Variants in ZYG11A observed in about 807,000 individuals in gnomAD.
ZYG11A encodes zyg-11 family member A, cell cycle regulator.
In ZYG11A, 62 loss-of-function variants were observed where a neutral mutation model predicts 77.2. That is an observed-to-expected ratio of 0.80 (90% confidence interval 0.65 to 0.99). The LOEUF (loss-of-function observed/expected upper bound fraction) is 0.99. Ranked by LOEUF, ZYG11A falls within the 50% of genes least tolerant of loss-of-function variation. The pLI is 0.00. For synonymous variants in ZYG11A, 315 were observed against 324.6 expected (o/e 0.97, Z 0.32); for missense variants, 828 against 896.8 (o/e 0.92, Z 0.98).
rs1432997646 is a variant in ZYG11A, at chr1:52,846,308, TTTTATATATATA to T, written c.90+3337_90+3348del. Among the ~76,000 whole-genome samples the T allele has an allele frequency of 1.2e-3, 148 of 124,894 alleles. 4 individuals carry two copies. Among genetic ancestry groups the T allele is most frequent in the African/African-American group, 3.8e-3 (136 of 35,584 alleles). The allele number at this position is 124,894 out of a possible 152,430, so 81.9% of individuals were successfully genotyped here. On this transcript the variant is annotated intron_variant, in intron 1 of 13. Coordinates refer to ENST00000371528, the MANE Select transcript of ZYG11A (RefSeq NM_001004339.3). Reference sequence around the variant, plus strand: ...TTTTGGAAATCATGGCTTTTTAAATTTTTATATATATATATATATATATATATATATATATAT... The same window carrying T: ...TTTTGGAAATCATGGCTTTTTAAATTTATATATATATATATATATATATAT...
intron 1 of ZYG11A, among the ~76,000 whole-genome samples, chr1:52,844,430 CAA>C (rs1319620859): frequency 6.6e-6 from 1 of 152,110 alleles, no homozygotes; most frequent in Non-Finnish European, 1.5e-5. Context: ...GGAATCGAAA[CAA>C]GATTTCTTTA....
chr1:52,873,875 T>C (rs1341658456), intron 8 of ZYG11A, among the ~76,000 whole-genome samples: 1 of 151,694 alleles, frequency 6.6e-6, no homozygotes, highest in East Asian at 1.9e-4. Flanking sequence ...TCCCAGCTAC[T>C]CGGGAGGCTG....
chr1:52,887,568 C>T (rs1389427212), intron 13 of ZYG11A, among the ~76,000 whole-genome samples: 1 of 151,998 alleles, frequency 6.6e-6, no homozygotes. Flanking sequence ...AATATTTCTG[C>T]ATGTTTTGCA....
At position 52,881,527 on chromosome 1, in the gene ZYG11A, G is replaced by A; in HGVS notation, c.1806G>A (p.Leu602=). The change falls in exon 11 of 14, where the codon CTG becomes CTA. Residue 602 remains leucine, a synonymous_variant. Coordinates refer to ENST00000371528, the MANE Select transcript of ZYG11A (RefSeq NM_001004339.3). ...CCAAGCTGGTGACCGAAGATGTGCT[G>A]AAGCATATCAACAGTTTACTCTGTA... is the stretch of plus-strand genomic sequence containing the variant. ...LSSKLVTEDV[L]KHINSLLCSR... The A allele has an allele frequency of 2.6e-6, 4 of 1,551,844 alleles. No individual in the cohort carries two copies. The highest frequency in any genetic ancestry group is 3.5e-6 in the Non-Finnish European group (4 of 1,146,982).
At chr1:52,853,787 A>AC (rs1645758047) in intron 1 of ZYG11A, among the ~76,000 whole-genome samples, 1 of 152,166 alleles carries the variant, frequency 6.6e-6, no homozygotes, top group Admixed American at 6.6e-5. Flanking sequence ...ATGGGCTTGT[A>AC]GTCCCAGTTA....
At chr1:52,845,634 AAT>A (rs1645555593) in intron 1 of ZYG11A, among the ~76,000 whole-genome samples, 4 of 105,998 alleles carry the variant, frequency 3.8e-5, no homozygotes, top group Non-Finnish European at 9.0e-5. Context: ...TTTATTTTTG[AAT>A]TTTTTTTTTT....
intron 5 of ZYG11A, among the ~76,000 whole-genome samples, chr1:52,865,716 C>T (rs928950494): frequency 3.3e-5 from 5 of 152,030 alleles, no homozygotes; most frequent in African/African-American, 1.2e-4. Context: ...CTCAAAAGAG[C>T]AGAAGTACAT....
intron 1 of ZYG11A, among the ~76,000 whole-genome samples, chr1:52,844,251 C>G (rs1051537491): frequency 1.3e-5 from 2 of 152,210 alleles, no homozygotes; most frequent in Admixed American, 6.5e-5. Flanking sequence ...TAAGGTTGTG[C>G]TTTACATATT....
intron 8 of ZYG11A, among the ~76,000 whole-genome samples, chr1:52,874,828 C>G (rs1453403471): frequency 6.6e-6 from 1 of 152,146 alleles, no homozygotes; most frequent in Non-Finnish European, 1.5e-5. Flanking sequence ...GATCATGCCA[C>G]TGCACTCCAG....
At chr1:52,867,877 G>T (rs1452821006) in intron 8 of ZYG11A, 100 bp downstream of exon 8, 5 of 982,050 alleles carry the variant, frequency 5.1e-6, no homozygotes, top group East Asian at 5.4e-5. Context: ...GCCTATTAAG[G>T]TGAGAAATCT....
chr1:52,848,034 TA>T (rs1283825990), intron 1 of ZYG11A, among the ~76,000 whole-genome samples: 1 of 152,134 alleles, frequency 6.6e-6, no homozygotes, highest in African/African-American at 2.4e-5. Context: ...CATGCCTGGC[TA>T]ATTTTTTGTA....
At chr1:52,858,691 C>T (rs988771469) in intron 3 of ZYG11A, among the ~76,000 whole-genome samples, 5 of 149,714 alleles carry the variant, frequency 3.3e-5, no homozygotes, top group Admixed American at 2.0e-4. Context: ...CGGCTCACTG[C>T]AACCTTCGCC....
At chr1:52,877,442 A>G (rs948252398) in intron 8 of ZYG11A, among the ~76,000 whole-genome samples, 14 of 152,222 alleles carry the variant, frequency 9.2e-5, no homozygotes, top group Non-Finnish European at 1.9e-4. Flanking sequence ...CTTGATGACC[A>G]TATACCAAGA....
intron 13 of ZYG11A, among the ~76,000 whole-genome samples, chr1:52,888,511 C>T (rs1424570494): frequency 1.3e-5 from 2 of 152,176 alleles, no homozygotes; most frequent in Non-Finnish European, 1.5e-5. Context: ...GTGCCCACCA[C>T]CACACCTGGC....
chr1:52,867,443 C>T (rs1206095952), intron 6 of ZYG11A, 96 bp from the exon 7 acceptor site: 3 of 822,232 alleles, frequency 3.6e-6, no homozygotes, highest in African/African-American at 3.4e-5. Flanking sequence ...AGACTGTTTT[C>T]ATTATAGGAT....
chr1:52,856,851 A>T, intron 2 of ZYG11A, 147 bp from the exon 3 acceptor site: 2 of 785,266 alleles, frequency 2.5e-6, no homozygotes, highest in Non-Finnish European at 3.9e-6. Context: ...TAATCTTATT[A>T]AAGGAGTTTA....
At chr1:52,889,350 G>A (rs1462356219) in intron 13 of ZYG11A, among the ~76,000 whole-genome samples, 2 of 151,616 alleles carry the variant, frequency 1.3e-5, no homozygotes, top group Non-Finnish European at 2.9e-5. Context: ...CATCATGTTA[G>A]ATTTATAAGT....
chr1:52,849,351 A>G (rs531467040), intron 1 of ZYG11A, among the ~76,000 whole-genome samples: 1 of 151,606 alleles, frequency 6.6e-6, no homozygotes, highest in African/African-American at 2.4e-5. Context: ...TACAGGTGTG[A>G]GCCACCGCGC....
At position 52,867,721 on chromosome 1, in the gene ZYG11A, T is replaced by C; in HGVS notation, c.1492-6T>C. On this transcript the variant is annotated splice_polypyrimidine_tract_variant and splice_region_variant and intron_variant, in intron 7 of 13. Transcript: ENST00000371528. ...AGTTCACTTGAGCCTTTCTGTTTGC[T>C]TATAGCTCTCACCTGAGCAAACGGC... 1.3e-6 allele frequency: 2 copies of C among 1,551,562 alleles called. No individual in the cohort carries two copies. Among genetic ancestry groups the C allele is most frequent in the Non-Finnish European group, 1.7e-6 (2 of 1,146,916 alleles).
Sources: allele counts gnomAD v4.1 joint callset (sites outside exome capture counted in the v4.1 genomes callset), GRCh38; gene constraint gnomAD v4.1.1; transcripts MANE v1.5; gene names NCBI Gene and HGNC (gene_info 2026-07-23, HGNC 2026-07-21).